The following SYN3 variants were observed in gnomAD, a reference collection of about 807,000 sequenced individuals.
SYN3 encodes synapsin III.
SYN3 carries 35 observed loss-of-function variants against 65.8 expected under a neutral mutation model. That is an observed-to-expected ratio of 0.53 (90% CI 0.41 to 0.70). The LOEUF (loss-of-function observed/expected upper bound fraction) is 0.70, where lower values mean the gene tolerates loss of function less well. Ranked by LOEUF, SYN3 falls within the 30% of genes least tolerant of loss-of-function variation. SYN3 has a pLI of 0.00. For synonymous variants in SYN3, 270 were observed against 292.9 expected (o/e 0.92, Z 0.80); for missense variants, 680 against 749.0 (o/e 0.91, Z 1.08).
At chr22:32,569,696 A>G (rs1379439507) in intron 7 of SYN3, among the ~76,000 whole-genome samples, 1 of 152,006 alleles carries the variant, frequency 6.6e-6, no homozygotes, top group Non-Finnish European at 1.5e-5. Flanking sequence ...ATGGTTTGGG[A>G]GTCAGGCTTT....
At chr22:32,515,748 C>T (rs184377568) in intron 13 of SYN3, among the ~76,000 whole-genome samples, 11 of 151,450 alleles carry the variant, frequency 7.3e-5, no homozygotes, top group Admixed American at 3.3e-4. Flanking sequence ...AATGGTACAG[C>T]GGAATACTAT....
intron 6 of SYN3, among the ~76,000 whole-genome samples, chr22:32,782,009 G>C (rs1354150900): frequency 6.6e-6 from 1 of 151,230 alleles, no homozygotes; most frequent in African/African-American, 2.4e-5. Flanking sequence ...TTCCCCTTCA[G>C]AACTTTTTTT....
rs538802072 is a variant in SYN3, at chr22:32,753,700, C to T, written c.711+111215G>A. 3.3e-5 allele frequency among the ~76,000 whole-genome samples: 5 copies of T among 152,388 alleles called. No individual in the cohort carries two copies. The South Asian group carries it at 8.3e-4, about 25-fold the overall frequency. ...TTGATTTATCCCATACACTTAACGC[C>T]CATTGTGCCTTTCATCAATCCCTCC... On this transcript the variant is annotated intron_variant, in intron 6 of 13. Coordinates refer to ENST00000358763, the MANE Select transcript of SYN3 (RefSeq NM_003490.4).
intron 6 of SYN3, among the ~76,000 whole-genome samples, chr22:32,851,807 T>C (rs979601437): frequency 2.6e-5 from 4 of 152,126 alleles, no homozygotes; most frequent in African/African-American, 4.8e-5. Flanking sequence ...TGACCCTCCA[T>C]AGAGGGTATC....
intron 6 of SYN3, among the ~76,000 whole-genome samples, chr22:32,642,535 G>A (rs927033070): frequency 1.3e-5 from 2 of 151,868 alleles, no homozygotes; most frequent in Admixed American, 1.3e-4. Context: ...CCGCCTCCTG[G>A]GTTCACGCTA....
intron 1 of SYN3, among the ~76,000 whole-genome samples, chr22:33,055,339 C>T (rs1176713224): frequency 6.6e-6 from 1 of 152,238 alleles, no homozygotes; most frequent in Non-Finnish European, 1.5e-5. Flanking sequence ...GCCCACTATG[C>T]GCTCCAACCA....
intron 6 of SYN3, among the ~76,000 whole-genome samples, chr22:32,843,690 C>T (rs1052951072): frequency 4.6e-5 from 7 of 152,134 alleles, no homozygotes; most frequent in South Asian, 2.1e-4. Flanking sequence ...AAGTCTAGGC[C>T]GAAGATGCGA....
chr22:32,571,617 C>T (rs2058759852), intron 7 of SYN3, among the ~76,000 whole-genome samples: 1 of 152,172 alleles, frequency 6.6e-6, no homozygotes, highest in African/African-American at 2.4e-5. Context: ...GTCCTTCTCC[C>T]AAAGTCATAA....
Position 32,778,492 on chromosome 22 carries a change from C to G in SYN3, c.711+86423G>C, listed in dbSNP as rs905140908. Among the ~76,000 whole-genome samples, 3 of 152,004 alleles carry G rather than the reference C, an allele frequency of 2.0e-5. No homozygotes were observed. In the East Asian group the frequency reaches 5.8e-4, roughly 29 times the overall value. ...TTTTTTTAGTAGAGATGGAGTTTCACCATGTTAGCCAGGCTGGTCTCGAAC... is the reference window on the plus strand; with the variant it reads ...TTTTTTTAGTAGAGATGGAGTTTCAGCATGTTAGCCAGGCTGGTCTCGAAC... On this transcript the variant is annotated intron_variant, in intron 6 of 13. Coordinates refer to ENST00000358763, the MANE Select transcript of SYN3 (RefSeq NM_003490.4).
chr22:32,969,299 G>A (rs2051945291), intron 3 of SYN3, among the ~76,000 whole-genome samples: 1 of 152,082 alleles, frequency 6.6e-6, no homozygotes, highest in Admixed American at 6.5e-5. Flanking sequence ...GTCATGCAAC[G>A]GGCAACACAG....
At chr22:32,971,354 C>A (rs2052013309) in intron 3 of SYN3, among the ~76,000 whole-genome samples, 1 of 152,148 alleles carries the variant, frequency 6.6e-6, no homozygotes, top group African/African-American at 2.4e-5. Flanking sequence ...TGGAGACCTG[C>A]ACGCTTTTAA....
intron 6 of SYN3, among the ~76,000 whole-genome samples, chr22:32,771,529 G>C (rs2045769919): frequency 6.6e-6 from 1 of 152,182 alleles, no homozygotes; most frequent in Non-Finnish European, 1.5e-5. Flanking sequence ...TCTGACATTA[G>C]GCCAGTTACT....
At position 32,528,888 on chromosome 22, in the gene SYN3, G is replaced by T; in HGVS notation, c.1216C>A (p.Pro406Thr). Residue 406 changes from proline (P) to threonine (T), a missense_variant, in exon 11 of 14, where the codon CCC becomes ACC. Physicochemically the swap from Pro to Thr is conservative, Grantham distance 38 (BLOSUM62 -1). Transcript: ENST00000358763. ...LPMPGGTAPSPLRPWAPQIKS... is the reference protein window; with the variant it reads ...LPMPGGTAPSTLRPWAPQIKS... ...GAGGGTCTTACCCAAGGTCTGAGGG[G>T]GGAGGGCGCTGTGCCTCCTGGCATC... 6.2e-7 allele frequency: 1 copy of T among 1,614,142 alleles called. No homozygotes were observed. The highest frequency in any genetic ancestry group is 8.5e-7 in the Non-Finnish European group (1 of 1,180,034).
chr22:32,637,616 C>CT (rs113330830), intron 6 of SYN3, among the ~76,000 whole-genome samples: 22,146 of 126,880 alleles, frequency 0.17, 2,097 homozygotes, highest in South Asian at 0.33. Context: ...GTTAGGTTTT[C>CT]TTTTTTTCTT....
At chr22:32,954,223 G>A (rs1164039103) in intron 3 of SYN3, among the ~76,000 whole-genome samples, 1 of 152,170 alleles carries the variant, frequency 6.6e-6, no homozygotes, top group Non-Finnish European at 1.5e-5. Flanking sequence ...CAAGGTTGGG[G>A]AGAGCCTTTA....
chr22:32,635,502 C>T (rs1235407733), intron 6 of SYN3, among the ~76,000 whole-genome samples: 1 of 152,190 alleles, frequency 6.6e-6, no homozygotes, highest in Non-Finnish European at 1.5e-5. Context: ...AACATATCTG[C>T]AAACATTGGG....
intron 6 of SYN3, among the ~76,000 whole-genome samples, chr22:32,694,516 C>T (rs1455546674): frequency 2.0e-5 from 3 of 152,170 alleles, no homozygotes; most frequent in Admixed American, 2.0e-4. Flanking sequence ...GAACTGTGTT[C>T]GTCCACTCAT....
intron 6 of SYN3, among the ~76,000 whole-genome samples, chr22:32,800,874 T>C (rs1029393771): frequency 6.6e-6 from 1 of 152,210 alleles, no homozygotes; most frequent in Non-Finnish European, 1.5e-5. Flanking sequence ...AGGATGGCAC[T>C]TCAGGGAGCC....
chr22:33,026,061 G>C (rs2053637446), intron 1 of SYN3, among the ~76,000 whole-genome samples: 1 of 152,184 alleles, frequency 6.6e-6, no homozygotes, highest in South Asian at 2.1e-4. Context: ...CTGCACCTTA[G>C]AGCCAACTAG....
Sources: gnomAD v4.1 joint callset for allele counts (sites outside exome capture counted in the v4.1 genomes callset) on GRCh38, gnomAD v4.1.1 for gene constraint, MANE v1.5 for transcripts, NCBI Gene and HGNC (gene_info 2026-07-23, HGNC 2026-07-21) for gene names.